RAB3C: variants seen among roughly 807,000 people sequenced by gnomAD.
RAB3C encodes the protein ras-related protein Rab-3C.
In RAB3C, 17 loss-of-function variants were observed where a neutral mutation model predicts 26.4. The ratio of observed to expected loss-of-function variants is 0.64; its 90% CI spans 0.44 to 0.97. The LOEUF (loss-of-function observed/expected upper bound fraction) is 0.97. RAB3C is among the 50% of genes least tolerant of loss of function. RAB3C has a pLI of 0.00. For synonymous variants in RAB3C, 91 were observed against 95.9 expected (o/e 0.95, Z 0.30); for missense variants, 242 against 281.9 (o/e 0.86, Z 1.01).
In RAB3C at chr5:58,696,761, G is replaced by T. The variant is rs868137606; in HGVS notation, c.253-29241G>T. On this transcript the variant is annotated intron_variant, in intron 2 of 4. Coordinates refer to ENST00000282878, the MANE Select transcript of RAB3C (RefSeq NM_138453.4). ...TAGTTTGTATTTCTATGGGATTGCT[G>T]GTGATATCCCCTTTATCATTTTTTA... 2.6e-5 allele frequency among the ~76,000 whole-genome samples: 4 copies of T among 152,078 alleles called. No individual in the cohort carries two copies. The East Asian group carries it at 5.8e-4, about 22-fold the overall frequency.
chr5:58,675,530 C>G (rs552257958), intron 2 of RAB3C, among the ~76,000 whole-genome samples: 52 of 151,816 alleles, frequency 3.4e-4, no homozygotes, highest in Non-Finnish European at 6.6e-4. Context: ...TCAAGCATAG[C>G]AACTGGGAGT....
chr5:58,714,999 A>C (rs538047736), intron 2 of RAB3C, among the ~76,000 whole-genome samples: 1 of 152,190 alleles, frequency 6.6e-6, no homozygotes, highest in East Asian at 1.9e-4. Flanking sequence ...AATATATTTT[A>C]ATTCAGAGCT....
At chr5:58,689,454 A>T (rs895024890) in intron 2 of RAB3C, 1 of 152,144 alleles carries the variant, frequency 6.6e-6, no homozygotes. Context: ...CATCCCATGA[A>T]GTAATTCTGC....
At chr5:58,720,725 T>C (rs79859380) in intron 2 of RAB3C, among the ~76,000 whole-genome samples, 3,491 of 152,006 alleles carry the variant, frequency 0.023, 127 homozygotes, top group African/African-American at 0.079. Flanking sequence ...TATAAAATTG[T>C]CTACTTTATC....
intron 3 of RAB3C, among the ~76,000 whole-genome samples, chr5:58,743,211 A>C (rs1741312776): frequency 6.6e-6 from 1 of 152,194 alleles, no homozygotes; most frequent in African/African-American, 2.4e-5. Flanking sequence ...GGAAAAGAGG[A>C]GAAAAATCTA....
At chr5:58,631,884 T>G (rs1386991377) in intron 2 of RAB3C, among the ~76,000 whole-genome samples, 1 of 152,244 alleles carries the variant, frequency 6.6e-6, no homozygotes, top group Non-Finnish European at 1.5e-5. Flanking sequence ...AGCATTTTTC[T>G]TACTTTGCTG....
At chr5:58,847,900 G>A (rs192914293) in intron 4 of RAB3C, among the ~76,000 whole-genome samples, 1 of 152,150 alleles carries the variant, frequency 6.6e-6, no homozygotes, top group East Asian at 1.9e-4. Context: ...CTGTCACCCA[G>A]GCTGGAGTGC....
intron 2 of RAB3C, among the ~76,000 whole-genome samples, chr5:58,670,811 A>G (rs772912547): frequency 1.3e-5 from 2 of 152,214 alleles, no homozygotes; most frequent in Non-Finnish European, 2.9e-5. Context: ...GGTCAAAGTC[A>G]GAAATCATGA....
chr5:58,614,298 G>A (rs1746777253), intron 1 of RAB3C, among the ~76,000 whole-genome samples: 1 of 151,942 alleles, frequency 6.6e-6, no homozygotes, highest in African/African-American at 2.4e-5. Context: ...TTTGACATTC[G>A]TATGCTGTCA....
At chr5:58,743,837 T>A (rs1197044503) in intron 3 of RAB3C, among the ~76,000 whole-genome samples, 1 of 152,210 alleles carries the variant, frequency 6.6e-6, no homozygotes, top group Non-Finnish European at 1.5e-5. Flanking sequence ...GGTCACATAT[T>A]ATTGGAATTG....
intron 3 of RAB3C, among the ~76,000 whole-genome samples, chr5:58,799,720 T>C (rs1243528781): frequency 6.6e-6 from 1 of 152,170 alleles, no homozygotes; most frequent in Non-Finnish European, 1.5e-5. Flanking sequence ...TATTACTGAA[T>C]TCATTCCATG....
chr5:58,582,766 A>C (rs1745925655), upstream of RAB3C, among the ~76,000 whole-genome samples: 2 of 152,182 alleles, frequency 1.3e-5, no homozygotes, highest in Non-Finnish European at 2.9e-5. Context: ...CTACTTCCGA[A>C]GGCGATAGTT....
chr5:58,663,173 A>G (rs539506489), intron 2 of RAB3C, among the ~76,000 whole-genome samples: 2 of 149,956 alleles, frequency 1.3e-5, no homozygotes, highest in South Asian at 4.2e-4. Flanking sequence ...GAATCCAGGC[A>G]TTCCTTCGCT....
At chr5:58,789,866 A>G (rs1287806123) in intron 3 of RAB3C, among the ~76,000 whole-genome samples, 1 of 152,244 alleles carries the variant, frequency 6.6e-6, no homozygotes, top group Non-Finnish European at 1.5e-5. Flanking sequence ...TTAGCCAGAC[A>G]CACCAGGGCA....
At chr5:58,792,163 T>G (rs1283708202) in intron 3 of RAB3C, among the ~76,000 whole-genome samples, 1 of 152,254 alleles carries the variant, frequency 6.6e-6, no homozygotes, top group African/African-American at 2.4e-5. Flanking sequence ...CCATTTTATC[T>G]TCATTAAATT....
chr5:58,600,621 TG>T (rs1263224395), intron 1 of RAB3C, among the ~76,000 whole-genome samples: 1 of 152,178 alleles, frequency 6.6e-6, no homozygotes, highest in Non-Finnish European at 1.5e-5. Context: ...TGAAAGGAAT[TG>T]AGTTTTTGAT....
At chr5:58,741,377 C>T (rs1339750347) in intron 3 of RAB3C, among the ~76,000 whole-genome samples, 3 of 152,142 alleles carry the variant, frequency 2.0e-5, no homozygotes, top group Non-Finnish European at 2.9e-5. Context: ...GAACTGATGC[C>T]ACCTGGCTCA....
At chr5:58,637,038 A>G (rs1464677043) in intron 2 of RAB3C, among the ~76,000 whole-genome samples, 2 of 151,970 alleles carry the variant, frequency 1.3e-5, no homozygotes, top group African/African-American at 4.8e-5. Flanking sequence ...AGTGGAAAGT[A>G]ACCATGGAAA....
chr5:58,770,912 C>T (rs1324672745), intron 3 of RAB3C, among the ~76,000 whole-genome samples: 1 of 152,032 alleles, frequency 6.6e-6, no homozygotes, highest in Non-Finnish European at 1.5e-5. Context: ...AAAACATGTA[C>T]ATTACAGAAT....
Sources: allele counts gnomAD v4.1 joint callset (sites outside exome capture counted in the v4.1 genomes callset), GRCh38; gene constraint gnomAD v4.1.1; transcripts MANE v1.5; gene names NCBI Gene and HGNC (gene_info 2026-07-23, HGNC 2026-07-21).